ADAMTS17: variants seen among roughly 807,000 people sequenced by gnomAD.
ADAMTS17 encodes the protein A disintegrin and metalloproteinase with thrombospondin motifs 17.
Under a neutral mutation model 141.5 loss-of-function variants are expected in ADAMTS17, and 113 were observed. The ratio of observed to expected loss-of-function variants is 0.80; its 90% confidence interval spans 0.69 to 0.93. The LOEUF is 0.93. ADAMTS17 is among the 40% of genes least tolerant of loss of function. The pLI is 0.00. For missense variants in ADAMTS17, 1,659 were observed against 1,517.9 expected (o/e 1.09, Z -1.54); for synonymous variants, 768 against 630.6 (o/e 1.22, Z -3.27).
At chr15:100,136,998 A>C (rs567927045) in intron 10 of ADAMTS17, among the ~76,000 whole-genome samples, 3 of 152,246 alleles carry the variant, frequency 2.0e-5, no homozygotes, top group Non-Finnish European at 4.4e-5. Context: ...GAAAGGCAGA[A>C]CATGTGGCCC....
chr15:100,027,118 T>TAA (rs2141470655), intron 18 of ADAMTS17, among the ~76,000 whole-genome samples: 1 of 152,334 alleles, frequency 6.6e-6, no homozygotes, highest in East Asian at 1.9e-4. Flanking sequence ...CATACCTTTG[T>TAA]AAAACGCACT....
At chr15:100,057,951 G>A (rs1461264860) in intron 15 of ADAMTS17, among the ~76,000 whole-genome samples, 2 of 152,066 alleles carry the variant, frequency 1.3e-5, no homozygotes, top group Non-Finnish European at 2.9e-5. Flanking sequence ...ATGCTTTTTG[G>A]AGGTTGGGTT....
At chr15:100,022,530 C>G (rs776681421) in intron 18 of ADAMTS17, among the ~76,000 whole-genome samples, 36 of 152,180 alleles carry the variant, frequency 2.4e-4, no homozygotes, top group Admixed American at 1.7e-3. Context: ...GCAGTTACAG[C>G]AGCTGCCGGG....
At position 100,219,969 on chromosome 15, in the gene ADAMTS17, T is replaced by C. The variant is rs1205504418; in HGVS notation, c.1076-20546A>G. On this transcript the variant is annotated intron_variant, in intron 7 of 21. Coordinates refer to ENST00000268070, the MANE Select transcript of ADAMTS17 (RefSeq NM_139057.4). ...TACATCTGTTACCCCACAACAATTT[T>C]ATGAGGCGGGTACAATTTTATTATT... is the stretch of plus-strand genomic sequence containing the variant. 1.3e-5 allele frequency among the ~76,000 whole-genome samples: 2 copies of C among 152,208 alleles called. 1 individual carries two copies. Among genetic ancestry groups the C allele is most frequent in the African/African-American group, 4.8e-5 (2 of 41,450 alleles).
chr15:100,324,015 CCTTT>C (rs2045818651), intron 3 of ADAMTS17, among the ~76,000 whole-genome samples: 1 of 134,060 alleles, frequency 7.5e-6, no homozygotes, highest in Non-Finnish European at 1.6e-5. Context: ...CGTAAACGTT[CCTTT>C]CTCTCAAAAA....
chr15:100,100,671 C>T (rs2036041563), intron 14 of ADAMTS17, among the ~76,000 whole-genome samples: 1 of 152,170 alleles, frequency 6.6e-6, no homozygotes, highest in Non-Finnish European at 1.5e-5. Flanking sequence ...CCATGTTCAG[C>T]TCCACTCCCT....
Position 100,100,655 on chromosome 15 carries a change from TCTC to T in ADAMTS17, c.2017-4182_2017-4180del, listed in dbSNP as rs573035461. Among the ~76,000 whole-genome samples, 28 of 152,202 alleles carry T rather than the reference TCTC, an allele frequency of 1.8e-4. No individual in the cohort carries two copies. The South Asian group carries it at 5.2e-3, about 28-fold the overall frequency. On this transcript the variant is annotated intron_variant, in intron 14 of 21. Coordinates refer to ENST00000268070, the MANE Select transcript of ADAMTS17 (RefSeq NM_139057.4). ...GCCCTGAAAACCTCTGTTGCCTACT[TCTC>T]CTCCATGTTCAGCTCCACTCCCTAG... is the stretch of plus-strand genomic sequence containing the variant.
intron 18 of ADAMTS17, among the ~76,000 whole-genome samples, chr15:100,009,579 T>G (rs2061116698): frequency 6.6e-6 from 1 of 152,086 alleles, no homozygotes. Context: ...GAGGCGTGAC[T>G]CAGGTGACCT....
At chr15:100,035,592 TG>T (rs2030627215) in intron 18 of ADAMTS17, among the ~76,000 whole-genome samples, 2 of 152,084 alleles carry the variant, frequency 1.3e-5, no homozygotes, top group South Asian at 2.1e-4. Context: ...TTTCACTGAC[TG>T]GGGTGAGCAA....
intron 6 of ADAMTS17, among the ~76,000 whole-genome samples, chr15:100,260,707 G>A (rs1363324999): frequency 6.6e-6 from 1 of 151,824 alleles, no homozygotes; most frequent in Admixed American, 6.6e-5. Context: ...ATACGATAAA[G>A]TTCTCCCTTC....
At chr15:99,976,511 C>G (rs761017053) in intron 20 of ADAMTS17, 194 of 577,218 alleles carry the variant, frequency 3.4e-4, no homozygotes, top group Non-Finnish European at 5.2e-4. Flanking sequence ...AAAACAGCAG[C>G]TGCCTGATAG....
chr15:100,148,098 C>A (rs551588358), intron 10 of ADAMTS17, among the ~76,000 whole-genome samples: 1 of 152,366 alleles, frequency 6.6e-6, no homozygotes, highest in East Asian at 1.9e-4. Flanking sequence ...GTACACTGGG[C>A]CACCCAGATA....
chr15:100,105,357 G>C (rs1432215471), intron 14 of ADAMTS17, among the ~76,000 whole-genome samples: 1 of 152,212 alleles, frequency 6.6e-6, no homozygotes, highest in East Asian at 1.9e-4. Flanking sequence ...CTTGGTTAAT[G>C]TGAGGTGCAG....
rs371156630 is a variant in ADAMTS17 at position 100,109,060 on chromosome 15, C to A, written c.1945G>T (p.Ala649Ser). The A allele has an allele frequency of 1.2e-6, 2 of 1,614,062 alleles. No individual in the cohort carries two copies. The highest frequency in any genetic ancestry group is 1.7e-6 in the Non-Finnish European group (2 of 1,180,028). ...GGTGTACCGTCCAGGACCCTGTCGG[C>A]CACCAGCAGTGGGGACTCCTTCCCG... ...PLGKESPLLV[A>S]DRVLDGTPCG... Residue 649 changes from alanine to serine, a missense_variant, in exon 14 of 22, where the codon GCC becomes TCC. Ala to Ser is a moderately conservative substitution (Grantham distance 99, BLOSUM62 1). Coordinates refer to ENST00000268070, the MANE Select transcript of ADAMTS17 (RefSeq NM_139057.4).
chr15:100,145,317 A>G (rs2038848901), intron 10 of ADAMTS17, among the ~76,000 whole-genome samples: 1 of 152,226 alleles, frequency 6.6e-6, no homozygotes, highest in South Asian at 2.1e-4. Flanking sequence ...GGTTAAGAGA[A>G]CAGAGTCCTC....
At chr15:100,011,350 A>AT (rs2061173042) in intron 18 of ADAMTS17, among the ~76,000 whole-genome samples, 3 of 2,622 alleles carry the variant, frequency 1.1e-3, no homozygotes, top group Non-Finnish European at 7.9e-4. Flanking sequence ...GGAAAGGAGG[A>AT]GGGACGGGAG....
At chr15:100,224,368 C>A (rs1471908951) in intron 7 of ADAMTS17, among the ~76,000 whole-genome samples, 1 of 152,096 alleles carries the variant, frequency 6.6e-6, no homozygotes, top group Non-Finnish European at 1.5e-5. Flanking sequence ...GATGGGGAGG[C>A]TTTGGTGGGC....
At chr15:100,049,703 G>A (rs562673588) in intron 17 of ADAMTS17, among the ~76,000 whole-genome samples, 31 of 152,360 alleles carry the variant, frequency 2.0e-4, no homozygotes, top group African/African-American at 7.5e-4. Flanking sequence ...GTGACTGGGA[G>A]TTAGGAGGGT....
chr15:100,117,099 G>C (rs2037185501), intron 12 of ADAMTS17, 86 bp from the exon 13 acceptor site: 1 of 1,490,320 alleles, frequency 6.7e-7, no homozygotes, highest in Non-Finnish European at 9.0e-7. Flanking sequence ...CCAGGGGGAG[G>C]AGAGGAAGGG....
Sources: gnomAD v4.1 joint callset for allele counts (sites outside exome capture counted in the v4.1 genomes callset) on GRCh38, gnomAD v4.1.1 for gene constraint, MANE v1.5 for transcripts, NCBI Gene and HGNC (gene_info 2026-07-23, HGNC 2026-07-21) for gene names.